The following RASGRP4 variants were observed in gnomAD, a reference collection of about 807,000 sequenced individuals.
The protein encoded by RASGRP4 is RAS guanyl-releasing protein 4.
RASGRP4 carries 52 observed loss-of-function variants against 84.4 expected under a neutral mutation model. The observed-to-expected ratio is 0.62, with a 90% CI of 0.49 to 0.78. RASGRP4 has a LOEUF of 0.78. RASGRP4 is among the 30% of genes least tolerant of loss of function. The pLI is 0.00. For synonymous variants in RASGRP4, 356 were observed against 359.1 expected, an observed-to-expected ratio of 0.99 and a Z score of 0.10; for missense variants, 760 against 886.9, an observed-to-expected ratio of 0.86 and a Z score of 1.82.
intron 1 of RASGRP4, among the ~76,000 whole-genome samples, chr19:38,425,505 A>G (rs1971953788): frequency 6.6e-6 from 1 of 152,166 alleles, no homozygotes; most frequent in Non-Finnish European, 1.5e-5. Context: ...TGGGGGTGGC[A>G]GGAGGAGTTA....
At position 38,418,915 on chromosome 19, in the gene RASGRP4, G is replaced by A. The variant is rs1971619515; in HGVS notation, c.664-351C>T. 6.6e-6 allele frequency among the ~76,000 whole-genome samples: 1 copy of A among 152,146 alleles called. No homozygotes were observed. ...CCAGGGTCACACAGGTGTGAGTCAG[G>A]GTGGGCGTCTATATGCTCTTAACTG... On this transcript the variant is annotated intron_variant, in intron 6 of 16. Transcript: ENST00000615439. This position sits in a 1 kb window ranked among gnomAD's most constrained non-coding sequence, Gnocchi z 4.6.
chr19:38,422,921 A>C (rs1600579793), intron 1 of RASGRP4, among the ~76,000 whole-genome samples: 1 of 151,924 alleles, frequency 6.6e-6, no homozygotes, highest in South Asian at 2.1e-4. Flanking sequence ...ACTGCTCTGA[A>C]TCTCCCAGGG....
At chr19:38,415,476 G>A (rs1040238357) in intron 8 of RASGRP4, among the ~76,000 whole-genome samples, 1 of 149,684 alleles carries the variant, frequency 6.7e-6, no homozygotes, top group Non-Finnish European at 1.5e-5. Flanking sequence ...GGGTTCAAGC[G>A]ATTCTCCTGC....
chr19:38,410,836 T>A, intron 16 of RASGRP4, 50 bp downstream of exon 16: 2 of 1,334,068 alleles, frequency 1.5e-6, no homozygotes, highest in Non-Finnish European at 2.1e-6. Flanking sequence ...CCCACGCCAA[T>A]GGCCTGTGTC....
chr19:38,424,246 A>C (rs1971891112), intron 1 of RASGRP4, among the ~76,000 whole-genome samples: 1 of 151,624 alleles, frequency 6.6e-6, no homozygotes, highest in Non-Finnish European at 1.5e-5. Flanking sequence ...CAGCCTCCCA[A>C]GTAGTTGGGA....
In RASGRP4 at chr19:38,422,085, T is replaced by C; in HGVS notation, c.92A>G (p.Lys31Arg). The stretch of plus-strand genomic sequence containing the variant: ...GATTTCCCGAGGGCTGGGGCATGTC[T>C]TGTGGCGGCGCACTTGGCGGGGCCG... Reference protein sequence around the residue: ...RGRPRQVRRHKTCPSPREISK... With the variant: ...RGRPRQVRRHRTCPSPREISK... Residue 31 changes from lysine (K) to arginine (R), a missense_variant, in exon 2 of 17, where the codon AAG becomes AGG. By Grantham distance (26) the Lys-to-Arg change is conservative. Transcript: ENST00000615439. 1 of 1,613,666 alleles carries C rather than the reference T, an allele frequency of 6.2e-7. No homozygotes were observed. The highest frequency in any genetic ancestry group is 8.5e-7 in the Non-Finnish European group (1 of 1,179,796).
chr19:38,411,884 G>A (rs1455020047), intron 13 of RASGRP4, among the ~76,000 whole-genome samples: 1 of 152,162 alleles, frequency 6.6e-6, no homozygotes, highest in Non-Finnish European at 1.5e-5. Flanking sequence ...AATATTTCAT[G>A]AATGAATAAA....
chr19:38,417,653 T>TG lies in RASGRP4; in HGVS notation c.838-486dup, dbSNP rs1167001689. Among the ~76,000 whole-genome samples, 2 of 152,006 alleles carry TG rather than the reference T, an allele frequency of 1.3e-5. No individual in the cohort carries two copies. The highest frequency in any genetic ancestry group is 3.9e-4 in the East Asian group (2 of 5,182). On this transcript the variant is annotated intron_variant, in intron 7 of 16. Transcript: ENST00000615439. The surrounding 1 kb of genome is among the most constrained non-coding windows in gnomAD (Gnocchi z 5.1). ...GAGTCAGACAGATGCTAGACAGGTG[T>TG]GGGGCCACCAGGGCAGCTGGGGAAT... is the stretch of plus-strand genomic sequence containing the variant.
Position 38,411,145 on chromosome 19 carries a change from G to C in RASGRP4, c.1822C>G (p.Pro608Ala), listed in dbSNP as rs773949642. ...GDAGPPGAPV[P>A]STPAPHASCG... Reference sequence around the variant, plus strand: ...CTGGCATGGGGAGCTGGTGTGGATGGGACAGGAGCTCCGGGGGGTCCTGCA... The same window carrying C: ...CTGGCATGGGGAGCTGGTGTGGATGCGACAGGAGCTCCGGGGGGTCCTGCA... Residue 608 changes from proline to alanine, a missense_variant, in exon 15 of 17, where the codon CCA (proline) becomes GCA (alanine). By Grantham distance (27) the Pro-to-Ala change is conservative. Coordinates refer to ENST00000615439, the MANE Select transcript of RASGRP4 (RefSeq NM_170604.3). 1 of 1,613,788 alleles carries C rather than the reference G, an allele frequency of 6.2e-7. No individual in the cohort carries two copies. Among genetic ancestry groups the C allele is most frequent in the South Asian group, 1.1e-5 (1 of 91,070 alleles).
intron 1 of RASGRP4, among the ~76,000 whole-genome samples, chr19:38,424,971 G>A (rs964695875): frequency 1.3e-5 from 2 of 151,974 alleles, no homozygotes; most frequent in Non-Finnish European, 2.9e-5. Flanking sequence ...GGATCACGAG[G>A]TCAAGAGATC....
Position 38,414,840 on chromosome 19 carries a change from G to A in RASGRP4, c.1230+8C>T, listed in dbSNP as rs776687048. On this transcript the variant is annotated splice_region_variant and intron_variant, in intron 9 of 16. Transcript: ENST00000615439. ...AAGCCCAGCCTGGGCGGGGCCAGGG[G>A]GGCTCACCGTGAGCAGGTGCAGCAG... 4.9e-5 allele frequency: 77 copies of A among 1,577,962 alleles called. No individual in the cohort carries two copies. Among genetic ancestry groups the A allele is most frequent in the Non-Finnish European group, 6.5e-5 (76 of 1,161,406 alleles).
Position 38,412,806 on chromosome 19 carries a change from A to C in RASGRP4, c.1546T>G (p.Phe516Val). 2 of 1,608,274 alleles carry C rather than the reference A, an allele frequency of 1.2e-6. No individual in the cohort carries two copies. Among genetic ancestry groups the C allele is most frequent in the Non-Finnish European group, 1.7e-6 (2 of 1,177,294 alleles). The change falls in exon 13 of 17, where the codon TTC becomes GTC. Residue 516 changes from phenylalanine (F) to valine (V), a missense_variant. Physicochemically the swap from Phe to Val is conservative, Grantham distance 50 (BLOSUM62 -1). Transcript: ENST00000615439. This position sits in a 1 kb window ranked among gnomAD's most constrained non-coding sequence, Gnocchi z 4.6. ...TACCCTGTCAGCTCCTCTCTGCTGAAGGATCCTCTCCTGGGGGCAGAAACT... is the reference window on the plus strand; with the variant it reads ...TACCCTGTCAGCTCCTCTCTGCTGACGGATCCTCTCCTGGGGGCAGAAACT... ...HPPPRQGRGSFSREELTGYLL... is the reference protein window; with the variant it reads ...HPPPRQGRGSVSREELTGYLL...
intron 8 of RASGRP4, among the ~76,000 whole-genome samples, chr19:38,416,191 C>T (rs1243891167): frequency 3.3e-5 from 5 of 151,388 alleles, no homozygotes; most frequent in Non-Finnish European, 7.4e-5. Flanking sequence ...CAGCCAGGCG[C>T]GGAGGCTCAC....
Position 38,426,154 on chromosome 19 carries a change from GC to G in RASGRP4, c.-64del. The stretch of plus-strand genomic sequence containing the variant: ...AGAGTAGGGCTCAGCTCCTCCCCTT[GC>G]CCAGGACTCCAGCTTCTCAGCCCCT... On this transcript the variant is annotated 5_prime_UTR_variant, in exon 1 of 17. Coordinates refer to ENST00000615439, the MANE Select transcript of RASGRP4 (RefSeq NM_170604.3). 1 of 1,246,734 alleles carries G rather than the reference GC, an allele frequency of 8.0e-7. No homozygotes were observed. Among genetic ancestry groups the G allele is most frequent in the East Asian group, 3.0e-5 (1 of 33,492 alleles). 77.2% of individuals were successfully genotyped at this position (1,246,734 alleles called of 1,614,324 possible).
chr19:38,421,244 G>T, intron 2 of RASGRP4, 44 bp from the exon 3 acceptor site: 1 of 1,347,716 alleles, frequency 7.4e-7, no homozygotes. Flanking sequence ...TGGCCCTCAA[G>T]CAATGCAGAG....
At position 38,412,924 on chromosome 19, in the gene RASGRP4, C is replaced by T. The variant is rs200109981; in HGVS notation, c.1535+7G>A. The T allele has an allele frequency of 2.8e-4, 457 of 1,613,848 alleles. No individual in the cohort carries two copies. The highest frequency in any genetic ancestry group is 3.5e-4 in the Non-Finnish European group (409 of 1,179,706). On this transcript the variant is annotated splice_region_variant and intron_variant, in intron 12 of 16. Transcript: ENST00000615439. The surrounding 1 kb of genome is among the most constrained non-coding windows in gnomAD (Gnocchi z 4.6). ...CTTCGGAGGATCCAGGAGTCACAAC[C>T]ACTTACCCCTGGCGTGGGGGTGGGT...
rs573225152 is a variant in RASGRP4 at position 38,412,228 on chromosome 19, G to A, written c.1680+444C>T. Among the ~76,000 whole-genome samples, 7 of 152,000 alleles carry A rather than the reference G, an allele frequency of 4.6e-5. No individual in the cohort carries two copies. Among genetic ancestry groups the A allele is most frequent in the Admixed American group, 2.6e-4 (4 of 15,238 alleles). On this transcript the variant is annotated intron_variant, in intron 13 of 16. Transcript: ENST00000615439. The surrounding 1 kb of genome is among the most constrained non-coding windows in gnomAD (Gnocchi z 4.6). ...CACCTCCTGGGTTCAAGCAATTCTC[G>A]TGCCTCAGCCTCCTGAGTAGCTGGG...
At chr19:38,419,305 C>T (rs1971637310) in intron 6 of RASGRP4, among the ~76,000 whole-genome samples, 1 of 152,176 alleles carries the variant, frequency 6.6e-6, no homozygotes, top group South Asian at 2.1e-4. Flanking sequence ...GTGCATATCC[C>T]CTTTTTACAG....
Position 38,409,287 on chromosome 19 carries a change from C to G in RASGRP4, c.*753G>C, listed in dbSNP as rs1005599389. The G allele has an allele frequency of 6.3e-6, 1 of 159,148 alleles. No homozygotes were observed. The highest frequency in any genetic ancestry group is 2.4e-5 in the African/African-American group (1 of 41,566). The allele number at this position is 159,148 out of a possible 1,614,324, so 9.9% of individuals were successfully genotyped here. Reference sequence around the variant, plus strand: ...AGACAAGCATCTGTCAGGCGCCTACCACCTGCCAGCCCTGTTCTAGGCACT... The same window carrying G: ...AGACAAGCATCTGTCAGGCGCCTACGACCTGCCAGCCCTGTTCTAGGCACT... On this transcript the variant is annotated 3_prime_UTR_variant, in exon 17 of 17. Transcript: ENST00000615439.
Sources: allele counts gnomAD v4.1 joint callset (sites outside exome capture counted in the v4.1 genomes callset), GRCh38; gene constraint gnomAD v4.1.1; non-coding constraint Gnocchi (gnomAD v3.1); transcripts MANE v1.5; gene names NCBI Gene and HGNC (gene_info 2026-07-23, HGNC 2026-07-21).